The following CHST11 variants were observed in gnomAD, a reference collection of about 807,000 sequenced individuals.
CHST11 encodes carbohydrate sulfotransferase 11, also known as C4S-1.
CHST11 carries 9 observed loss-of-function variants against 30.4 expected under a neutral mutation model. The observed-to-expected ratio is 0.30, with a 90% CI of 0.18 to 0.52. CHST11 has a LOEUF of 0.52. Ranked by LOEUF, CHST11 falls within the 20% of genes least tolerant of loss-of-function variation. The pLI, the probability that CHST11 is intolerant of heterozygous loss-of-function variation, is 0.97. For missense variants in CHST11, 348 were observed against 460.6 expected, an observed-to-expected ratio of 0.76 and a Z score of 2.24; for synonymous variants, 152 against 187.8, an observed-to-expected ratio of 0.81 and a Z score of 1.56.
chr12:104,560,402 G>A (rs770329849), intron 1 of CHST11, among the ~76,000 whole-genome samples: 55 of 152,142 alleles, frequency 3.6e-4, no homozygotes, highest in Non-Finnish European at 5.6e-4. Flanking sequence ...GGAAGGTTTG[G>A]TTGAGCCATG....
At chr12:104,691,274 G>A (rs941019050) in intron 2 of CHST11, among the ~76,000 whole-genome samples, 2 of 152,098 alleles carry the variant, frequency 1.3e-5, no homozygotes, top group Non-Finnish European at 2.9e-5. Flanking sequence ...GATGTTCTGT[G>A]TCCTGTTGTC....
chr12:104,575,315 GT>G lies in CHST11; in HGVS notation c.119-26590del, dbSNP rs370527585. Among the ~76,000 whole-genome samples, 654 of 152,328 alleles carry G rather than the reference GT, an allele frequency of 4.3e-3. 9 individuals carry two copies. Among genetic ancestry groups the G allele is most frequent in the African/African-American group, 0.014 (590 of 41,572 alleles). ...AATCCAGTAAACAAGTATTTTCTGA[GT>G]GTCTGCTGTGTGCCAGACAGTGTTC... is the stretch of plus-strand genomic sequence containing the variant. On this transcript the variant is annotated intron_variant, in intron 1 of 2. Coordinates refer to ENST00000303694, the MANE Select transcript of CHST11 (RefSeq NM_018413.6).
At chr12:104,479,610 A>C (rs1215317541) in intron 1 of CHST11, among the ~76,000 whole-genome samples, 2 of 152,224 alleles carry the variant, frequency 1.3e-5, no homozygotes, top group Non-Finnish European at 2.9e-5. Flanking sequence ...TTTCTGATGA[A>C]TAACAACCAA....
At chr12:104,615,747 T>C (rs1039504118) in intron 2 of CHST11, among the ~76,000 whole-genome samples, 1 of 151,930 alleles carries the variant, frequency 6.6e-6, no homozygotes, top group Non-Finnish European at 1.5e-5. Flanking sequence ...GCCAACATGG[T>C]GGAAACCCCG....
intron 2 of CHST11, among the ~76,000 whole-genome samples, chr12:104,706,624 T>A (rs1414169022): frequency 6.6e-6 from 1 of 152,164 alleles, no homozygotes. Context: ...CAGCCTTGAA[T>A]GACTTTGGGG....
At chr12:104,462,274 ATATAT>A (rs1046386841) in intron 1 of CHST11, among the ~76,000 whole-genome samples, 1 of 149,560 alleles carries the variant, frequency 6.7e-6, no homozygotes, top group African/African-American at 2.4e-5. Flanking sequence ...TACTTTAAAA[ATATAT>A]TATAGAATAT....
chr12:104,481,702 C>A (rs3902813), intron 1 of CHST11, among the ~76,000 whole-genome samples: 1 of 151,818 alleles, frequency 6.6e-6, no homozygotes, highest in African/African-American at 2.4e-5. Context: ...TCCAAGTGAA[C>A]AGAGTATTTA....
At chr12:104,500,649 C>G (rs1263591251) in intron 1 of CHST11, among the ~76,000 whole-genome samples, 1 of 152,140 alleles carries the variant, frequency 6.6e-6, no homozygotes, top group African/African-American at 2.4e-5. Context: ...TCTCTTGAAG[C>G]TACATATATG....
At chr12:104,471,366 G>A (rs1465725820) in intron 1 of CHST11, among the ~76,000 whole-genome samples, 1 of 152,144 alleles carries the variant, frequency 6.6e-6, no homozygotes, top group Non-Finnish European at 1.5e-5. Context: ...CCCTTTTTGG[G>A]ATAGCGGGTA....
intron 1 of CHST11, among the ~76,000 whole-genome samples, chr12:104,522,283 G>A (rs968447501): frequency 8.5e-5 from 13 of 152,130 alleles, no homozygotes; most frequent in African/African-American, 3.1e-4. Context: ...ATATCTCACT[G>A]AGCCGTGTTA....
chr12:104,750,427 A>AC (rs1566064670), intron 2 of CHST11, among the ~76,000 whole-genome samples: 10 of 38,736 alleles, frequency 2.6e-4, no homozygotes, highest in African/African-American at 1.0e-3. Flanking sequence ...ATATTTCTGC[A>AC]CTTTTTTTTT....
intron 1 of CHST11, among the ~76,000 whole-genome samples, chr12:104,569,528 C>T (rs1180193372): frequency 1.3e-5 from 2 of 152,180 alleles, no homozygotes; most frequent in Non-Finnish European, 2.9e-5. Flanking sequence ...CTTCATCACA[C>T]AGAGCTCTGT....
chr12:104,757,386 C>G lies in CHST11; in HGVS notation c.642C>G (p.Thr214=), dbSNP rs2040487531. 1.2e-6 allele frequency: 2 copies of G among 1,613,986 alleles called. No homozygotes were observed. Among genetic ancestry groups the G allele is most frequent in the African/African-American group, 2.7e-5 (2 of 74,894 alleles). Residue 214 remains threonine, a synonymous_variant, in exon 3 of 3, where the codon ACC becomes ACG. Coordinates refer to ENST00000303694, the MANE Select transcript of CHST11 (RefSeq NM_018413.6). The surrounding 1 kb of genome is among the most constrained non-coding windows in gnomAD (Gnocchi z 6.5). ...TCTCCTTCCACAAGCGGTACGGCAC[C>G]AAGATCATCAAACGCCAGCGGAAGA... ...YNISFHKRYG[T]KIIKRQRKNA... is the part of the protein sequence containing the mutation.
At chr12:104,553,509 G>T in intron 1 of CHST11, 1 of 150,612 alleles carries the variant, frequency 6.6e-6, no homozygotes, top group South Asian at 2.0e-4. Context: ...AGGCCTCAGG[G>T]AACTTACAAT....
Position 104,532,117 on chromosome 12 carries a change from T to C in CHST11, c.119-69789T>C, listed in dbSNP as rs188240980. 1.9e-3 allele frequency among the ~76,000 whole-genome samples: 291 copies of C among 152,314 alleles called. 1 individual carries two copies. Among genetic ancestry groups the C allele is most frequent in the African/African-American group, 6.8e-3 (282 of 41,578 alleles). Reference sequence around the variant, plus strand: ...CCTCTTCTCCCACCGTCTCTTTCCCTCACACCCTGGCTTCCAGCCCCACGA... The same window carrying C: ...CCTCTTCTCCCACCGTCTCTTTCCCCCACACCCTGGCTTCCAGCCCCACGA... On this transcript the variant is annotated intron_variant, in intron 1 of 2. Coordinates refer to ENST00000303694, the MANE Select transcript of CHST11 (RefSeq NM_018413.6).
chr12:104,603,880 A>G (rs1441184865), intron 2 of CHST11, among the ~76,000 whole-genome samples: 1 of 152,104 alleles, frequency 6.6e-6, no homozygotes, highest in Non-Finnish European at 1.5e-5. Context: ...GCATGTGGTG[A>G]TGTGTCTTGC....
chr12:104,574,449 G>A (rs1300564269), intron 1 of CHST11, among the ~76,000 whole-genome samples: 1 of 152,184 alleles, frequency 6.6e-6, no homozygotes, highest in Non-Finnish European at 1.5e-5. Context: ...GGAAAGACTT[G>A]GAGCCAACCC....
rs2040519947 is a variant in CHST11 at position 104,760,983 on chromosome 12, C to A, written c.*3180C>A. ...TACAGGCAGGCGTCCCATCTCCCAG[C>A]CACTTCTCAAAGGTGCTGCTGTGTT... is the stretch of plus-strand genomic sequence containing the variant. On this transcript the variant is annotated 3_prime_UTR_variant, in exon 3 of 3. Transcript: ENST00000303694. 2 of 152,230 alleles carry A rather than the reference C, an allele frequency of 1.3e-5. No individual in the cohort carries two copies. The highest frequency in any genetic ancestry group is 6.5e-5 in the Admixed American group (1 of 15,286). The allele number at this position is 152,230 out of a possible 1,614,324, so 9.4% of individuals were successfully genotyped here.
chr12:104,744,880 T>C (rs2040378053), intron 2 of CHST11, among the ~76,000 whole-genome samples: 1 of 102,504 alleles, frequency 9.8e-6, no homozygotes, highest in Admixed American at 9.8e-5. Flanking sequence ...TTTATTTATT[T>C]ATTTATTTTT....
Sources: gnomAD v4.1 joint callset for allele counts (sites outside exome capture counted in the v4.1 genomes callset) on GRCh38, gnomAD v4.1.1 for gene constraint, Gnocchi (gnomAD v3.1) non-coding constraint, MANE v1.5 for transcripts, NCBI Gene and HGNC (gene_info 2026-07-23, HGNC 2026-07-21) for gene names.